Variants in STK32B observed in about 807,000 individuals in gnomAD.
The protein encoded by STK32B is serine/threonine-protein kinase 32B.
Under a neutral mutation model 52.6 loss-of-function variants are expected in STK32B, and 43 were observed. The ratio of observed to expected loss-of-function variants is 0.82; its 90% CI spans 0.64 to 1.05. STK32B has a LOEUF of 1.05. STK32B is among the 50% of genes least tolerant of loss of function. The pLI, the probability that STK32B is intolerant of heterozygous loss-of-function variation, is 0.00. For synonymous variants in STK32B, 238 were observed against 204.3 expected (o/e 1.17, Z -1.41); for missense variants, 621 against 534.6 (o/e 1.16, Z -1.59).
intron 3 of STK32B, among the ~76,000 whole-genome samples, chr4:5,226,226 AT>A (rs761193772): frequency 2.6e-5 from 4 of 151,996 alleles, no homozygotes. Flanking sequence ...AAAAGTTGCT[AT>A]TTTTTTGCAG....
intron 11 of STK32B, among the ~76,000 whole-genome samples, chr4:5,491,890 G>C (rs1408676275): frequency 7.9e-5 from 12 of 152,222 alleles, no homozygotes; most frequent in Non-Finnish European, 2.9e-5. Context: ...GATGGTTGTA[G>C]ATATGCGGAG....
At chr4:5,137,524 C>G (rs911524472) in intron 1 of STK32B, among the ~76,000 whole-genome samples, 2 of 70,434 alleles carry the variant, frequency 2.8e-5, no homozygotes, top group Middle Eastern at 7.6e-3. Context: ...ACCCCCAACA[C>G]AGAGCTAGCA....
At chr4:5,231,269 ACACT>A (rs761984438) in intron 3 of STK32B, among the ~76,000 whole-genome samples, 1 of 152,118 alleles carries the variant, frequency 6.6e-6, no homozygotes, top group Non-Finnish European at 1.5e-5. Flanking sequence ...CATGCTGTAG[ACACT>A]CAATAAATAT....
In STK32B at chr4:5,271,465, T is replaced by C. The variant is rs61577243; in HGVS notation, c.261-59755T>C. ...TGCCTCCAGCTTTGTTCTTTTGGCT[T>C]AGGATTGACTTGGCGATGCGGGCTC... On this transcript the variant is annotated intron_variant, in intron 3 of 11. Coordinates refer to ENST00000282908, the MANE Select transcript of STK32B (RefSeq NM_018401.3). Among the ~76,000 whole-genome samples the C allele has an allele frequency of 4.4e-4, 67 of 151,934 alleles. No homozygotes were observed. The East Asian group carries it at 0.011, about 25-fold the overall frequency.
At chr4:5,235,599 C>T (rs962625498) in intron 3 of STK32B, among the ~76,000 whole-genome samples, 1 of 152,168 alleles carries the variant, frequency 6.6e-6, no homozygotes. Context: ...ATGTGCCTAT[C>T]TTTAAAAAAT....
At chr4:5,316,833 ATATATTATATATAATATATTATATATATT>A (rs1380515064) in intron 3 of STK32B, among the ~76,000 whole-genome samples, 5 of 3,356 alleles carry the variant, frequency 1.5e-3, no homozygotes, top group Admixed American at 7.5e-3. Flanking sequence ...CATATATATT[ATATATTATATATAATATATTATATATATT>A]ATATATTATA....
chr4:5,123,484 T>A (rs946188627), intron 1 of STK32B, among the ~76,000 whole-genome samples: 2 of 152,126 alleles, frequency 1.3e-5, no homozygotes, highest in Non-Finnish European at 2.9e-5. Flanking sequence ...TGTAACAAAG[T>A]GTCACAGCCT....
the STK32B span, among the ~76,000 whole-genome samples, chr4:5,035,768 A>G: frequency 6.6e-6 from 1 of 151,912 alleles, no homozygotes; most frequent in African/African-American, 2.4e-5. Flanking sequence ...AATGCAAATT[A>G]AAGGATCTGT....
At chr4:5,411,549 T>C (rs1464886879) in intron 5 of STK32B, among the ~76,000 whole-genome samples, 1 of 152,188 alleles carries the variant, frequency 6.6e-6, no homozygotes, top group Non-Finnish European at 1.5e-5. Context: ...CTAGAGATGA[T>C]TTAAAGTGTG....
At chr4:5,162,349 G>T (rs1718514736) in intron 2 of STK32B, among the ~76,000 whole-genome samples, 2 of 152,124 alleles carry the variant, frequency 1.3e-5, no homozygotes, top group African/African-American at 4.8e-5. Context: ...AAATCCCAGG[G>T]CCTCCTAGAG....
At chr4:5,367,292 G>A (rs1441287296) in intron 4 of STK32B, among the ~76,000 whole-genome samples, 4 of 152,108 alleles carry the variant, frequency 2.6e-5, no homozygotes, top group Non-Finnish European at 4.4e-5. Context: ...CTTTTGATTT[G>A]TCAAACAGAA....
chr4:5,250,753 C>A (rs1158417994), intron 3 of STK32B, among the ~76,000 whole-genome samples: 1 of 152,086 alleles, frequency 6.6e-6, no homozygotes, highest in African/African-American at 2.4e-5. Context: ...TAATAATAGC[C>A]ATTCTGACTG....
intron 3 of STK32B, among the ~76,000 whole-genome samples, chr4:5,277,807 A>G (rs538767436): frequency 3.3e-5 from 5 of 152,194 alleles, no homozygotes; most frequent in Non-Finnish European, 5.9e-5. Flanking sequence ...TTAAAAAATG[A>G]TATGTTCCTG....
intron 2 of STK32B, among the ~76,000 whole-genome samples, chr4:5,160,616 C>T (rs1199198438): frequency 5.3e-5 from 8 of 152,326 alleles, no homozygotes; most frequent in African/African-American, 1.9e-4. Flanking sequence ...GCTCACCTCT[C>T]CCGTGTGTTT....
intron 3 of STK32B, among the ~76,000 whole-genome samples, chr4:5,191,262 T>G (rs1209326259): frequency 6.6e-6 from 1 of 151,864 alleles, no homozygotes; most frequent in Non-Finnish European, 1.5e-5. Flanking sequence ...ATTCCTTTTT[T>G]TTTTTTGAGA....
chr4:5,450,458 T>G (rs4234706), intron 7 of STK32B, among the ~76,000 whole-genome samples: 14,039 of 152,214 alleles, frequency 0.092, 1,054 homozygotes, highest in East Asian at 0.4. Context: ...CCAGGGAGCG[T>G]TGTACCTCCA....
intron 3 of STK32B, among the ~76,000 whole-genome samples, chr4:5,300,903 AC>A (rs1408341899): frequency 6.6e-6 from 1 of 152,112 alleles, no homozygotes; most frequent in Non-Finnish European, 1.5e-5. Context: ...CTATTAAATT[AC>A]CCCTATTTAT....
rs192550545 is a variant in STK32B, at chr4:5,458,034, C to T, written c.783+1111C>T. 2.0e-3 allele frequency among the ~76,000 whole-genome samples: 301 copies of T among 152,246 alleles called. 3 individuals are homozygous for T. Among genetic ancestry groups the T allele is most frequent in the Non-Finnish European group, 3.7e-3 (251 of 68,016 alleles). ...AGGAACTGTTGCTATTAGACTAAAG[C>T]AGTGGTTCCCAAGGTATGGGCCTAG... On this transcript the variant is annotated intron_variant, in intron 8 of 11. Transcript: ENST00000282908.
At chr4:5,326,222 T>C (rs1731864708) in intron 3 of STK32B, among the ~76,000 whole-genome samples, 1 of 152,198 alleles carries the variant, frequency 6.6e-6, no homozygotes, top group Non-Finnish European at 1.5e-5. Context: ...CAATAGTCCA[T>C]CAACTATTAG....
Sources: gnomAD v4.1 joint callset for allele counts (sites outside exome capture counted in the v4.1 genomes callset) on GRCh38, gnomAD v4.1.1 for gene constraint, MANE v1.5 for transcripts, NCBI Gene and HGNC (gene_info 2026-07-23, HGNC 2026-07-21) for gene names.